Variants in LMX1A observed in about 807,000 individuals in gnomAD.
LMX1A encodes LIM homeobox transcription factor 1 alpha, also known as LIM homeobox transcription factor 1-alpha.
Under a neutral mutation model 49.1 loss-of-function variants are expected in LMX1A, and 15 were observed. The ratio of observed to expected loss-of-function variants is 0.31; its 90% confidence interval spans 0.20 to 0.47. The LOEUF is 0.47. LMX1A is among the 20% of genes least tolerant of loss of function. The pLI, the probability that LMX1A is intolerant of heterozygous loss-of-function variation, is 1.00. For missense variants in LMX1A, 372 were observed against 475.8 expected (o/e 0.78, Z 2.03); for synonymous variants, 167 against 185.7 (o/e 0.90, Z 0.82).
intron 3 of LMX1A, among the ~76,000 whole-genome samples, chr1:165,340,454 T>C (rs1338893462): frequency 6.6e-6 from 1 of 152,156 alleles, no homozygotes; most frequent in Non-Finnish European, 1.5e-5. Context: ...TCCCTACTAC[T>C]GCCCTGCCTT....
At chr1:165,292,095 A>G (rs1259030109) in intron 3 of LMX1A, among the ~76,000 whole-genome samples, 1 of 149,352 alleles carries the variant, frequency 6.7e-6, no homozygotes, top group African/African-American at 2.4e-5. Flanking sequence ...ACAATATGCT[A>G]TATGCCTGCT....
At chr1:165,279,663 A>G (rs930572505) in intron 3 of LMX1A, among the ~76,000 whole-genome samples, 4 of 152,192 alleles carry the variant, frequency 2.6e-5, no homozygotes, top group African/African-American at 9.7e-5. Flanking sequence ...CTAGGACTGC[A>G]CAAATGGCAT....
At chr1:165,250,328 G>T (rs978021684) in intron 3 of LMX1A, among the ~76,000 whole-genome samples, 2 of 152,156 alleles carry the variant, frequency 1.3e-5, no homozygotes, top group Admixed American at 1.3e-4. Context: ...TCAAAGGTTG[G>T]TCTACAGACT....
At chr1:165,314,955 C>T (rs1282631559) in intron 3 of LMX1A, among the ~76,000 whole-genome samples, 10 of 152,204 alleles carry the variant, frequency 6.6e-5, no homozygotes, top group Non-Finnish European at 7.3e-5. Context: ...ACCAACACCC[C>T]AGAGGCTCCT....
chr1:165,319,222 T>TA (rs560845922), intron 3 of LMX1A, among the ~76,000 whole-genome samples: 2 of 152,074 alleles, frequency 1.3e-5, no homozygotes, highest in African/African-American at 4.8e-5. Context: ...AGTTCTGTCT[T>TA]AAAAAATAGA....
intron 3 of LMX1A, among the ~76,000 whole-genome samples, chr1:165,349,662 G>A (rs1413932408): frequency 2.0e-5 from 3 of 151,944 alleles, no homozygotes; most frequent in East Asian, 1.9e-4. Context: ...TAACGGCATC[G>A]CAGTATATGA....
intron 4 of LMX1A, among the ~76,000 whole-genome samples, chr1:165,237,453 G>A (rs1204610204): frequency 6.6e-6 from 1 of 152,034 alleles, no homozygotes; most frequent in African/African-American, 2.4e-5. Flanking sequence ...TCCTGATCTC[G>A]TGATCCGCCC....
At chr1:165,229,955 T>C (rs1230700864) in intron 4 of LMX1A, among the ~76,000 whole-genome samples, 1 of 152,184 alleles carries the variant, frequency 6.6e-6, no homozygotes, top group Non-Finnish European at 1.5e-5. Context: ...AGCTCTAATG[T>C]GATTGTTTTA....
At position 165,222,304 on chromosome 1, in the gene LMX1A, T is replaced by A. The variant is rs948045691; in HGVS notation, c.497-8491A>T. 2.6e-5 allele frequency among the ~76,000 whole-genome samples: 4 copies of A among 152,284 alleles called. No homozygotes were observed. In the East Asian group the frequency reaches 7.7e-4, roughly 29 times the overall value. The stretch of plus-strand genomic sequence containing the variant: ...CTCAGAGCTCAGTCTAGATAAAAGC[T>A]CATTAATCCAGCTTCCCTATGGTTC... On this transcript the variant is annotated intron_variant, in intron 4 of 8. Coordinates refer to ENST00000342310, the MANE Select transcript of LMX1A (RefSeq NM_177398.4).
intron 3 of LMX1A, among the ~76,000 whole-genome samples, chr1:165,258,171 A>G (rs568786801): frequency 6.6e-6 from 1 of 152,272 alleles, no homozygotes; most frequent in South Asian, 2.1e-4. Context: ...AACTGAGGTC[A>G]TCCAGGCAGA....
At chr1:165,213,304 G>A (rs1309799735) in intron 5 of LMX1A, 1 of 217,844 alleles carries the variant, frequency 4.6e-6, no homozygotes, top group Non-Finnish European at 8.9e-6. Flanking sequence ...GCAAGCCACT[G>A]TGTTTTTATA....
rs148102527 is a variant in LMX1A at position 165,297,953 on chromosome 1, T to C, written c.264-48313A>G. Reference sequence around the variant, plus strand: ...GCCGTGAGGCTTCAATGTGACAATGTATGTCAAATGTCTGTCACATTAAAA... The same window carrying C: ...GCCGTGAGGCTTCAATGTGACAATGCATGTCAAATGTCTGTCACATTAAAA... On this transcript the variant is annotated intron_variant, in intron 3 of 8. Transcript: ENST00000342310. 5.7e-3 allele frequency among the ~76,000 whole-genome samples: 874 copies of C among 152,376 alleles called. 7 individuals carry two copies. The Middle Eastern group carries it at 0.058, about 10-fold the overall frequency.
intron 3 of LMX1A, among the ~76,000 whole-genome samples, chr1:165,332,346 T>C (rs950982487): frequency 6.6e-6 from 1 of 151,606 alleles, no homozygotes; most frequent in African/African-American, 2.4e-5. Flanking sequence ...AAGAAAGAGA[T>C]AGAATGTCAG....
At chr1:165,333,270 G>A (rs1191455597) in intron 3 of LMX1A, among the ~76,000 whole-genome samples, 1 of 152,164 alleles carries the variant, frequency 6.6e-6, no homozygotes. Flanking sequence ...AGATTCTCCT[G>A]CCTCGGCCTC....
intron 4 of LMX1A, among the ~76,000 whole-genome samples, chr1:165,222,037 G>A (rs1651871467): frequency 6.6e-6 from 1 of 151,424 alleles, no homozygotes; most frequent in South Asian, 2.1e-4. Context: ...TAAAAACATG[G>A]CCAAATGTAG....
intron 4 of LMX1A, among the ~76,000 whole-genome samples, chr1:165,241,062 A>G (rs1652632516): frequency 2.0e-5 from 3 of 152,166 alleles, no homozygotes; most frequent in South Asian, 4.1e-4. Context: ...TTTTTCCCCC[A>G]GTCTTCTGCA....
chr1:165,258,200 G>A (rs924001540), intron 3 of LMX1A, among the ~76,000 whole-genome samples: 1 of 152,254 alleles, frequency 6.6e-6, no homozygotes, highest in Admixed American at 6.5e-5. Context: ...TTGGCCATAA[G>A]CCAAAACTGT....
intron 4 of LMX1A, among the ~76,000 whole-genome samples, chr1:165,229,160 A>G (rs1239921064): frequency 1.3e-5 from 2 of 152,080 alleles, no homozygotes; most frequent in Non-Finnish European, 2.9e-5. Flanking sequence ...CTTTGATACA[A>G]TGCCTTCCCA....
rs942063313 is a variant in LMX1A, at chr1:165,202,430, A to G, written c.*1450T>C. ...GTTTCCACTGGAACCTTCTGCCTCT[A>G]TGAGCGCCATGAGGTTCTTTAGAAA... On this transcript the variant is annotated 3_prime_UTR_variant, in exon 9 of 9. Coordinates refer to ENST00000342310, the MANE Select transcript of LMX1A (RefSeq NM_177398.4). 6 of 152,510 alleles carry G rather than the reference A, an allele frequency of 3.9e-5. No homozygotes were observed. The highest frequency in any genetic ancestry group is 3.9e-4 in the East Asian group (2 of 5,184). The allele number at this position is 152,510 out of a possible 1,614,324, so 9.4% of individuals were successfully genotyped here.
Sources: gnomAD v4.1 joint callset for allele counts (sites outside exome capture counted in the v4.1 genomes callset) on GRCh38, gnomAD v4.1.1 for gene constraint, MANE v1.5 for transcripts, NCBI Gene and HGNC (gene_info 2026-07-23, HGNC 2026-07-21) for gene names.